The following CAMKMT variants were observed in gnomAD, a reference collection of about 807,000 sequenced individuals.
CAMKMT encodes calmodulin-lysine N-methyltransferase.
A neutral mutation model predicts 48.0 loss-of-function variants in CAMKMT; 53 were observed. That is an observed-to-expected ratio of 1.10 (90% CI 0.89 to 1.39). The LOEUF (loss-of-function observed/expected upper bound fraction) is 1.39, where lower values mean the gene tolerates loss of function less well. CAMKMT is among the 40% of genes most tolerant of loss of function. CAMKMT has a pLI of 0.00. For missense variants in CAMKMT, 428 were observed against 402.7 expected, an observed-to-expected ratio of 1.06 and a Z score of -0.54; for synonymous variants, 165 against 152.3, an observed-to-expected ratio of 1.08 and a Z score of -0.61.
At chr2:44,555,151 G>C (rs992377193) in intron 3 of CAMKMT, among the ~76,000 whole-genome samples, 4 of 152,216 alleles carry the variant, frequency 2.6e-5, no homozygotes, top group Admixed American at 2.0e-4. Context: ...CTGAAAACAT[G>C]GCAATAATTT....
chr2:44,771,116 G>A (rs1681089453), intron 10 of CAMKMT, among the ~76,000 whole-genome samples: 1 of 152,156 alleles, frequency 6.6e-6, no homozygotes, highest in South Asian at 2.1e-4. Flanking sequence ...ACCTGGGAGA[G>A]TGTGATGTTG....
At chr2:44,469,825 CGTTT>C (rs1055708301) in intron 3 of CAMKMT, among the ~76,000 whole-genome samples, 1 of 151,470 alleles carries the variant, frequency 6.6e-6, no homozygotes, top group Non-Finnish European at 1.5e-5. Context: ...TTATCAGTTA[CGTTT>C]GTTTGCTCTC....
chr2:44,378,176 T>C (rs561817785), intron 2 of CAMKMT, among the ~76,000 whole-genome samples: 23 of 152,328 alleles, frequency 1.5e-4, no homozygotes, highest in African/African-American at 4.8e-4. Context: ...GTGAATTCCA[T>C]TGTGTCACAT....
intron 3 of CAMKMT, among the ~76,000 whole-genome samples, chr2:44,626,037 T>TA (rs982485886): frequency 3.3e-5 from 5 of 152,192 alleles, no homozygotes; most frequent in African/African-American, 1.2e-4. Context: ...TGGCAATCTC[T>TA]AAAAAATCAA....
At chr2:44,734,243 TG>T (rs1007320959) in intron 7 of CAMKMT, among the ~76,000 whole-genome samples, 86 of 152,278 alleles carry the variant, frequency 5.6e-4, no homozygotes, top group African/African-American at 1.9e-3. Flanking sequence ...CCATAAATTT[TG>T]ATGTGTTGTA....
chr2:44,540,746 A>G (rs2880051), intron 3 of CAMKMT, among the ~76,000 whole-genome samples: 6,061 of 152,280 alleles, frequency 0.04, 175 homozygotes, highest in Non-Finnish European at 0.064. Context: ...GCAAGACCCT[A>G]TCTCAAAAAA....
At chr2:44,575,583 T>C (rs987283564) in intron 3 of CAMKMT, among the ~76,000 whole-genome samples, 6 of 152,146 alleles carry the variant, frequency 3.9e-5, no homozygotes, top group Non-Finnish European at 8.8e-5. Flanking sequence ...CCAGAAAATA[T>C]TTGTTGCCAG....
chr2:44,585,395 C>T (rs968146018), intron 3 of CAMKMT, among the ~76,000 whole-genome samples: 1 of 152,204 alleles, frequency 6.6e-6, no homozygotes, highest in African/African-American at 2.4e-5. Flanking sequence ...GACATTTTAG[C>T]ACTAACTCAA....
chr2:44,725,673 T>C lies in CAMKMT; in HGVS notation c.623+10320T>C, dbSNP rs1488392204. Among the ~76,000 whole-genome samples the C allele has an allele frequency of 2.0e-5, 3 of 151,952 alleles. No homozygotes were observed. In the East Asian group the frequency reaches 5.8e-4, roughly 29 times the overall value. On this transcript the variant is annotated intron_variant, in intron 7 of 10. Transcript: ENST00000378494. ...TAAAAGGCAGGGAGGAAATAAGAGG[T>C]AGAAGTAGAAAAGATGTGTCCAGCC... is the stretch of plus-strand genomic sequence containing the variant.
At chr2:44,656,800 AC>A (rs1379456724) in intron 3 of CAMKMT, among the ~76,000 whole-genome samples, 2 of 151,900 alleles carry the variant, frequency 1.3e-5, no homozygotes, top group African/African-American at 4.9e-5. Context: ...GGCAGAGATG[AC>A]CTTCTGACAG....
intron 3 of CAMKMT, among the ~76,000 whole-genome samples, chr2:44,695,150 A>G (rs1395174800): frequency 1.3e-5 from 2 of 152,212 alleles, no homozygotes; most frequent in African/African-American, 4.8e-5. Flanking sequence ...TAATTTTCAG[A>G]TAAGCATTAT....
At chr2:44,512,066 G>C (rs74950235) in intron 3 of CAMKMT, among the ~76,000 whole-genome samples, 5 of 152,144 alleles carry the variant, frequency 3.3e-5, no homozygotes, top group Non-Finnish European at 7.3e-5. Context: ...TTGTTCTTCC[G>C]ATTGCGTCTT....
At position 44,443,871 on chromosome 2, in the gene CAMKMT, G is replaced by T. The variant is rs116401689; in HGVS notation, c.376+53566G>T. ...TTTAAAATACTACTGAAGCTGCCTAGTGGGCTTAAAGTCTAATGGCACAGA... is the reference window on the plus strand; with the variant it reads ...TTTAAAATACTACTGAAGCTGCCTATTGGGCTTAAAGTCTAATGGCACAGA... On this transcript the variant is annotated intron_variant, in intron 3 of 10. Transcript: ENST00000378494. Among the ~76,000 whole-genome samples the T allele has an allele frequency of 3.6e-3, 543 of 152,296 alleles. 1 individual carries two copies. The highest frequency in any genetic ancestry group is 0.012 in the African/African-American group (516 of 41,562).
chr2:44,543,658 G>A (rs1024053723), intron 3 of CAMKMT, among the ~76,000 whole-genome samples: 3 of 151,982 alleles, frequency 2.0e-5, no homozygotes, highest in African/African-American at 7.2e-5. Context: ...ATTATTTTTT[G>A]GTGCATAATT....
chr2:44,401,634 T>G (rs1682384526), intron 3 of CAMKMT, among the ~76,000 whole-genome samples: 2 of 152,146 alleles, frequency 1.3e-5, no homozygotes, highest in Non-Finnish European at 2.9e-5. Context: ...TTTTTAGAAT[T>G]TTGGCAAAAA....
intron 3 of CAMKMT, among the ~76,000 whole-genome samples, chr2:44,600,410 G>C (rs2103854736): frequency 6.6e-6 from 1 of 151,864 alleles, no homozygotes; most frequent in Middle Eastern, 3.4e-3. Context: ...GGGACTACAG[G>C]TGCACACCAG....
intron 3 of CAMKMT, among the ~76,000 whole-genome samples, chr2:44,694,000 C>G (rs1676799257): frequency 6.6e-6 from 1 of 152,194 alleles, no homozygotes; most frequent in African/African-American, 2.4e-5. Flanking sequence ...AGCTGTATGT[C>G]TGCTGTGAGA....
intron 5 of CAMKMT, 119 bp downstream of exon 5, chr2:44,706,460 G>C (rs1677566466): frequency 1.1e-6 from 1 of 934,342 alleles, no homozygotes; most frequent in Non-Finnish European, 1.7e-6. Context: ...TCAAGCTGCC[G>C]GGTCTTGAGA....
intron 9 of CAMKMT, among the ~76,000 whole-genome samples, chr2:44,759,101 A>C (rs1474197197): frequency 6.6e-6 from 1 of 152,172 alleles, no homozygotes; most frequent in African/African-American, 2.4e-5. Flanking sequence ...TATAAATGTA[A>C]ATCATAAACT....
Sources: allele counts gnomAD v4.1 joint callset (sites outside exome capture counted in the v4.1 genomes callset), GRCh38; gene constraint gnomAD v4.1.1; transcripts MANE v1.5; gene names NCBI Gene and HGNC (gene_info 2026-07-23, HGNC 2026-07-21).